The following CATSPERG variants were observed in gnomAD, a reference collection of about 807,000 sequenced individuals.
The protein encoded by CATSPERG is catsper channel auxiliary subunit gamma.
In CATSPERG, 115 loss-of-function variants were observed where a neutral mutation model predicts 145.0. The ratio of observed to expected loss-of-function variants is 0.79; its 90% confidence interval spans 0.68 to 0.93. The LOEUF is 0.93. CATSPERG is among the 40% of genes least tolerant of loss of function. The pLI is 0.00. For missense variants in CATSPERG, 1,296 were observed against 1,490.1 expected, an observed-to-expected ratio of 0.87 and a Z score of 2.14; for synonymous variants, 588 against 589.0, an observed-to-expected ratio of 1.00 and a Z score of 0.02.
Position 38,362,701 on chromosome 19 carries a change from C to T in CATSPERG, c.2357-13C>T. The T allele has an allele frequency of 6.2e-7, 1 of 1,613,550 alleles. No individual in the cohort carries two copies. Among genetic ancestry groups the T allele is most frequent in the East Asian group, 2.2e-5 (1 of 44,844 alleles). On this transcript the variant is annotated splice_polypyrimidine_tract_variant and intron_variant, in intron 19 of 28. Transcript: ENST00000409235. ...GTGAGGGAGGCCTTAACCCCGTTTA[C>T]TGCCCGGAGCAGGCACCGCCTTCCA...
chr19:38,343,562 G>T lies in CATSPERG; in HGVS notation c.325-18G>T. ...AGGCTACCATAAGGACACACTTGTG[G>T]GGCCATCTCACCCTCAGCCCTCTGA... On this transcript the variant is annotated intron_variant, in intron 3 of 28. Transcript: ENST00000409235. The T allele has an allele frequency of 6.5e-7, 1 of 1,535,966 alleles. No homozygotes were observed.
intron 3 of CATSPERG, among the ~76,000 whole-genome samples, chr19:38,342,216 A>AAAAT (rs202060544): frequency 0.19 from 28,431 of 148,510 alleles, 3,188 homozygotes; most frequent in East Asian, 0.4. Context: ...TCCCATGTAA[A>AAAAT]AAATAAATAA....
At position 38,344,929 on chromosome 19, in the gene CATSPERG, CGG is replaced by C. The variant is rs1170753590; in HGVS notation, c.669+564_669+565del. 3.5e-5 allele frequency among the ~76,000 whole-genome samples: 3 copies of C among 85,914 alleles called. No individual in the cohort carries two copies. In the Admixed American group the frequency reaches 5.1e-4, roughly 14 times the overall value. The allele number at this position is 85,914 out of a possible 152,430, so 56.4% of individuals were successfully genotyped here. A position where few individuals can be genotyped will look rare whatever the true frequency, so the allele number is the denominator to read the frequency against. On this transcript the variant is annotated intron_variant, in intron 6 of 28. Transcript: ENST00000409235. ...TTTTTTTTTTTTTTTTTTTTTGAGA[CGG>C]GGCCTCGCTCTGTCATCCAGGCTGG...
chr19:38,357,514 T>C (rs1600470432), intron 11 of CATSPERG, among the ~76,000 whole-genome samples: 1 of 88,056 alleles, frequency 1.1e-5, no homozygotes. Flanking sequence ...AGACCCGGTC[T>C]CAAAAAAAAA....
chr19:38,352,180 A>T, intron 7 of CATSPERG, 81 bp from the exon 8 acceptor site: 1 of 1,390,792 alleles, frequency 7.2e-7, no homozygotes, highest in Non-Finnish European at 9.8e-7. Flanking sequence ...CAGCTGTCAG[A>T]GCAGGAGCTT....
At chr19:38,344,237 G>A (rs899839214) in intron 5 of CATSPERG, 59 bp from the exon 6 acceptor site, 43 of 1,538,530 alleles carry the variant, frequency 2.8e-5, no homozygotes, top group Non-Finnish European at 3.3e-5. Flanking sequence ...AGGCAGCTAC[G>A]AGCTGTGGAA....
chr19:38,354,801 C>CA lies in CATSPERG; in HGVS notation c.1090dup (p.Thr364AsnfsTer6), dbSNP rs773421810. 4.9e-5 allele frequency: 79 copies of CA among 1,614,028 alleles called. No homozygotes were observed. Among genetic ancestry groups the CA allele is most frequent in the Non-Finnish European group, 6.4e-5 (75 of 1,180,022 alleles). On this transcript the variant is annotated frameshift_variant, in exon 9 of 29. Transcript: ENST00000409235. LOFTEE classifies it high-confidence loss of function. The stretch of plus-strand genomic sequence containing the variant: ...ATGGCTCTGAGTACATAATGGCCCT[C>CA]ACCACGGGCAAGCATGAGGGTTATG...
At chr19:38,339,086 C>T (rs201096663) in intron 3 of CATSPERG, among the ~76,000 whole-genome samples, 2 of 152,188 alleles carry the variant, frequency 1.3e-5, no homozygotes, top group East Asian at 1.9e-4. Context: ...TGGGAGCCCA[C>T]GCTATTTATT....
chr19:38,361,871 C>T lies in CATSPERG; in HGVS notation c.2094+10C>T. On this transcript the variant is annotated intron_variant, in intron 17 of 28. Coordinates refer to ENST00000409235, the MANE Select transcript of CATSPERG (RefSeq NM_021185.5). ...CTCCGTGTACGACAAGGTGGGCGTC[C>T]GGCGGCGGGCGGGCAGGCCTGAGAC... is the stretch of plus-strand genomic sequence containing the variant. 1 of 1,587,664 alleles carries T rather than the reference C, an allele frequency of 6.3e-7. No homozygotes were observed. The highest frequency in any genetic ancestry group is 8.6e-7 in the Non-Finnish European group (1 of 1,166,072).
intron 8 of CATSPERG, 40 bp downstream of exon 8, chr19:38,352,472 C>T: frequency 6.5e-7 from 1 of 1,538,472 alleles, no homozygotes; most frequent in Non-Finnish European, 8.8e-7. Flanking sequence ...GGGGAGGGCA[C>T]CCTGGTGAAC....
At chr19:38,354,649 C>T in intron 8 of CATSPERG, 61 bp from the exon 9 acceptor site, 1 of 1,570,648 alleles carries the variant, frequency 6.4e-7, no homozygotes, top group Non-Finnish European at 8.7e-7. Flanking sequence ...GAAATGTGGG[C>T]AGGGGGCAGA....
intron 3 of CATSPERG, among the ~76,000 whole-genome samples, chr19:38,338,022 C>T (rs1008322654): frequency 6.6e-6 from 1 of 152,012 alleles, no homozygotes; most frequent in African/African-American, 2.4e-5. Context: ...TGGCCCCCAT[C>T]TCAATATGTG....
chr19:38,358,116 A>AG, intron 11 of CATSPERG, 162 bp from the exon 12 acceptor site: 1 of 653,554 alleles, frequency 1.5e-6, no homozygotes. Flanking sequence ...ATCCTGTCTC[A>AG]GGGGGGAAAT....
At chr19:38,339,757 T>A (rs1349479565) in intron 3 of CATSPERG, among the ~76,000 whole-genome samples, 3 of 152,208 alleles carry the variant, frequency 2.0e-5, no homozygotes, top group African/African-American at 7.2e-5. Flanking sequence ...GCTCTTACAT[T>A]TAGGTCTTTC....
intron 1 of CATSPERG, 115 bp downstream of exon 1, chr19:38,335,990 A>G: frequency 3.7e-6 from 1 of 267,788 alleles, no homozygotes; most frequent in South Asian, 2.9e-5. Flanking sequence ...AGGCAGGGGA[A>G]AGAGGGGAAG....
chr19:38,350,623 CCTGT>C (rs1970122751), intron 7 of CATSPERG, among the ~76,000 whole-genome samples: 1 of 152,154 alleles, frequency 6.6e-6, no homozygotes. Flanking sequence ...AAGCAATCCA[CCTGT>C]CTAAGCCTCC....
At chr19:38,359,254 G>C (rs1005923628) in intron 13 of CATSPERG, among the ~76,000 whole-genome samples, 2 of 152,046 alleles carry the variant, frequency 1.3e-5, no homozygotes, top group African/African-American at 4.8e-5. Context: ...TTGGGTGGCT[G>C]GCAAACTGCC....
chr19:38,362,345 C>G, intron 18 of CATSPERG, 31 bp from the exon 19 acceptor site: 1 of 1,613,934 alleles, frequency 6.2e-7, no homozygotes, highest in South Asian at 1.1e-5. Context: ...ACCCCCGGCG[C>G]TGACTCTGCC....
rs888568124 is a variant in CATSPERG at position 38,358,439 on chromosome 19, A to G, written c.1374A>G (p.Gly458=). The change falls in exon 13 of 29, where the codon GGA becomes GGG. Residue 458 remains glycine (G), a synonymous_variant. Transcript: ENST00000409235. ...HIPEFIPEAR[G]LEFLMILGTE... is the part of the protein sequence containing the mutation. Reference sequence around the variant, plus strand: ...TTCCTCTGCTCCGGTCAGCTCGAGGATTGGAGTTCCTGATGATCCTAGGGA... The same window carrying G: ...TTCCTCTGCTCCGGTCAGCTCGAGGGTTGGAGTTCCTGATGATCCTAGGGA... The G allele has an allele frequency of 6.2e-7, 1 of 1,613,988 alleles. No individual in the cohort carries two copies. Among genetic ancestry groups the G allele is most frequent in the Non-Finnish European group, 8.5e-7 (1 of 1,180,012 alleles).
Sources: allele counts gnomAD v4.1 joint callset (sites outside exome capture counted in the v4.1 genomes callset), GRCh38; gene constraint gnomAD v4.1.1; transcripts MANE v1.5; gene names NCBI Gene and HGNC (gene_info 2026-07-23, HGNC 2026-07-21).